Variants in FBP2 observed in about 807,000 individuals in gnomAD.
FBP2 encodes fructose-bisphosphatase 2.
In FBP2, 27 loss-of-function variants were observed where a neutral mutation model predicts 31.6. That is an observed-to-expected ratio of 0.85 (90% confidence interval 0.63 to 1.18). FBP2 has a LOEUF of 1.18. Ranked by LOEUF, FBP2 falls within the 50% of genes most tolerant of loss-of-function variation. The pLI, the probability that FBP2 is intolerant of heterozygous loss-of-function variation, is 0.00. For synonymous variants in FBP2, 168 were observed against 179.8 expected, an observed-to-expected ratio of 0.93 and a Z score of 0.53; for missense variants, 421 against 436.1, an observed-to-expected ratio of 0.97 and a Z score of 0.31.
At chr9:94,563,548 A>T (rs544939426) in intron 5 of FBP2, 87 bp from the exon 6 acceptor site, 1 of 1,462,960 alleles carries the variant, frequency 6.8e-7, no homozygotes, top group Non-Finnish European at 9.3e-7. Flanking sequence ...AGTTGGTGTG[A>T]CCTCTGCCTT....
chr9:94,561,095 T>C (rs1338163951), intron 6 of FBP2, among the ~76,000 whole-genome samples: 1 of 152,178 alleles, frequency 6.6e-6, no homozygotes, highest in African/African-American at 2.4e-5. Context: ...TGACAGCTTA[T>C]AGCGCTCAGC....
chr9:94,576,401 C>T (rs1223834044), intron 3 of FBP2, among the ~76,000 whole-genome samples: 1 of 152,210 alleles, frequency 6.6e-6, no homozygotes, highest in Non-Finnish European at 1.5e-5. Context: ...ACTCTGCAGG[C>T]AGTGAGCATG....
chr9:94,592,688 C>A (rs1827515548), intron 1 of FBP2, among the ~76,000 whole-genome samples: 1 of 152,172 alleles, frequency 6.6e-6, no homozygotes, highest in African/African-American at 2.4e-5. Flanking sequence ...GCGCCCGCCA[C>A]CACACCCAAC....
chr9:94,587,545 GCCAGCAGTGCAGTCC>G, intron 1 of FBP2, 76 bp from the exon 2 acceptor site: 1 of 1,300,242 alleles, frequency 7.7e-7, no homozygotes. Flanking sequence ...ACCCTAAAAC[GCCAGCAGTGCAGTCC>G]CCTCTCGTTC....
chr9:94,575,510 A>G (rs1827307421), intron 3 of FBP2, among the ~76,000 whole-genome samples: 1 of 152,124 alleles, frequency 6.6e-6, no homozygotes, highest in Admixed American at 6.5e-5. Flanking sequence ...CTATATCACA[A>G]TTTATTTCTC....
intron 6 of FBP2, 133 bp downstream of exon 6, chr9:94,563,209 C>T (rs758509036): frequency 3.9e-4 from 396 of 1,007,016 alleles, no homozygotes; most frequent in South Asian, 1.2e-3. Context: ...AAACAGAGTT[C>T]ATTTTTCCTC....
At chr9:94,576,823 A>G (rs1452014583) in intron 3 of FBP2, 1 of 152,084 alleles carries the variant, frequency 6.6e-6, no homozygotes, top group Non-Finnish European at 1.5e-5. Flanking sequence ...CCATTTGAGC[A>G]TTTTATGCAT....
At chr9:94,582,436 A>G (rs1211658294) in intron 3 of FBP2, among the ~76,000 whole-genome samples, 1 of 151,182 alleles carries the variant, frequency 6.6e-6, no homozygotes. Flanking sequence ...CCCAGGCTGG[A>G]GTGCAGCAGT....
chr9:94,590,361 G>A (rs1021708403), intron 1 of FBP2, among the ~76,000 whole-genome samples: 1 of 152,192 alleles, frequency 6.6e-6, no homozygotes, highest in African/African-American at 2.4e-5. Flanking sequence ...AAGAGAAGGG[G>A]AAAAGGAGAC....
intron 4 of FBP2, chr9:94,569,894 T>C (rs899054312): frequency 6.6e-6 from 1 of 152,218 alleles, no homozygotes; most frequent in East Asian, 1.9e-4. Flanking sequence ...GCTGCCTCCA[T>C]AAGCTACTGG....
chr9:94,562,107 C>T (rs184165606), intron 6 of FBP2, among the ~76,000 whole-genome samples: 1,537 of 151,978 alleles, frequency 0.01, 11 homozygotes, highest in Non-Finnish European at 0.016. Flanking sequence ...GTCAGGAGAT[C>T]GAGACCATCC....
chr9:94,571,698 A>C, intron 3 of FBP2, 96 bp from the exon 4 acceptor site: 1 of 1,149,998 alleles, frequency 8.7e-7, no homozygotes, highest in South Asian at 1.8e-5. Flanking sequence ...GAATCACTGA[A>C]GGAAGCGCGG....
intron 2 of FBP2, 106 bp downstream of exon 2, chr9:94,587,201 T>C (rs528311704): frequency 1.2e-5 from 12 of 995,020 alleles, no homozygotes; most frequent in Non-Finnish European, 1.8e-5. Context: ...AAACAAATGT[T>C]AAGAAATAGA....
At chr9:94,584,544 A>G (rs1827405027) in intron 3 of FBP2, 33 bp downstream of exon 3, 2 of 1,327,438 alleles carry the variant, frequency 1.5e-6, no homozygotes, top group East Asian at 4.6e-5. Context: ...CCACCACAGG[A>G]AGGAGGTGTA....
chr9:94,587,479 C>A lies in FBP2; in HGVS notation c.171-10G>T. 1 of 1,613,680 alleles carries A rather than the reference C, an allele frequency of 6.2e-7. No individual in the cohort carries two copies. The highest frequency in any genetic ancestry group is 8.5e-7 in the Non-Finnish European group (1 of 1,179,850). On this transcript the variant is annotated splice_polypyrimidine_tract_variant and intron_variant, in intron 1 of 6. Coordinates refer to ENST00000375337, the MANE Select transcript of FBP2 (RefSeq NM_003837.4). ...TCCTGCGATTCCATACCTGAGAAGA[C>A]AAAAGGCTGAATGAGGAAGTCACTA... is the stretch of plus-strand genomic sequence containing the variant.
intron 1 of FBP2, among the ~76,000 whole-genome samples, chr9:94,588,846 C>A (rs1827460221): frequency 6.6e-6 from 1 of 152,170 alleles, no homozygotes; most frequent in South Asian, 2.1e-4. Flanking sequence ...TCTCTCTCAT[C>A]CTCACAGGGT....
chr9:94,582,992 T>C (rs1368699888), intron 3 of FBP2, among the ~76,000 whole-genome samples: 3 of 151,646 alleles, frequency 2.0e-5, no homozygotes, highest in African/African-American at 7.3e-5. Flanking sequence ...TAGCAGGGAT[T>C]ATAGGCGCCC....
intron 3 of FBP2, among the ~76,000 whole-genome samples, chr9:94,579,297 C>T (rs1242982369): frequency 1.4e-5 from 2 of 145,846 alleles, no homozygotes; most frequent in Admixed American, 7.1e-5. Flanking sequence ...ACTCAGGAGG[C>T]TGAGGCAGGA....
At chr9:94,566,255 G>C (rs1827187921) in intron 5 of FBP2, among the ~76,000 whole-genome samples, 1 of 152,256 alleles carries the variant, frequency 6.6e-6, no homozygotes, top group African/African-American at 2.4e-5. Flanking sequence ...CAAAGTCTCT[G>C]CAGCACTGTG....
Sources: allele counts gnomAD v4.1 joint callset (sites outside exome capture counted in the v4.1 genomes callset), GRCh38; gene constraint gnomAD v4.1.1; transcripts MANE v1.5; gene names NCBI Gene and HGNC (gene_info 2026-07-23, HGNC 2026-07-21).